Variants in DENND5B observed in about 807,000 individuals in gnomAD.
The protein encoded by DENND5B is DENN domain containing 5B.
A neutral mutation model predicts 140.6 loss-of-function variants in DENND5B; 34 were observed. The observed-to-expected ratio is 0.24, with a 90% CI of 0.18 to 0.32. The LOEUF (loss-of-function observed/expected upper bound fraction) is 0.32, where lower values mean the gene tolerates loss of function less well. Among genes scored for constraint, DENND5B ranks in the 10% least tolerant of loss-of-function variants. The pLI is 1.00. For missense variants in DENND5B, 1,142 were observed against 1,560.2 expected, an observed-to-expected ratio of 0.73 and a Z score of 4.52; for synonymous variants, 551 against 562.1, an observed-to-expected ratio of 0.98 and a Z score of 0.28.
At chr12:31,586,766 T>C (rs1950407375) in intron 1 of DENND5B, among the ~76,000 whole-genome samples, 1 of 152,214 alleles carries the variant, frequency 6.6e-6, no homozygotes, top group African/African-American at 2.4e-5. Flanking sequence ...GAATTTATGT[T>C]TAATAGAAGT....
At chr12:31,468,075 G>A (rs990809469) in intron 3 of DENND5B, among the ~76,000 whole-genome samples, 1 of 152,012 alleles carries the variant, frequency 6.6e-6, no homozygotes, top group African/African-American at 2.4e-5. Context: ...GCAACATACA[G>A]AGACCCCACC....
At chr12:31,559,067 A>C (rs781773519) in intron 1 of DENND5B, among the ~76,000 whole-genome samples, 5 of 152,244 alleles carry the variant, frequency 3.3e-5, no homozygotes, top group African/African-American at 1.2e-4. Context: ...CACTTGGAAC[A>C]TAAGTTCTAA....
intron 4 of DENND5B, among the ~76,000 whole-genome samples, chr12:31,457,683 A>C (rs948868507): frequency 1.3e-5 from 2 of 151,880 alleles, no homozygotes; most frequent in Non-Finnish European, 2.9e-5. Flanking sequence ...GTCCTAATTT[A>C]TAGTTTCTAC....
At chr12:31,523,115 G>A (rs973049350) in intron 1 of DENND5B, among the ~76,000 whole-genome samples, 1 of 150,150 alleles carries the variant, frequency 6.7e-6, no homozygotes, top group Non-Finnish European at 1.5e-5. Context: ...CTGGAGTGCA[G>A]TGGCGTGATC....
chr12:31,513,744 C>T (rs757080490), intron 1 of DENND5B, among the ~76,000 whole-genome samples: 2 of 152,004 alleles, frequency 1.3e-5, no homozygotes, highest in South Asian at 4.2e-4. Context: ...AGAAATCAGA[C>T]ATTTCTCCAA....
intron 1 of DENND5B, among the ~76,000 whole-genome samples, chr12:31,523,161 C>T (rs1359464679): frequency 6.6e-6 from 1 of 151,364 alleles, no homozygotes; most frequent in African/African-American, 2.4e-5. Context: ...CAGGTTCAAG[C>T]GATCATCCCA....
chr12:31,536,725 A>T (rs929896509), intron 1 of DENND5B, among the ~76,000 whole-genome samples: 2 of 152,184 alleles, frequency 1.3e-5, no homozygotes, highest in Admixed American at 6.5e-5. Context: ...ATCCAAATAT[A>T]AGAAGATTAC....
intron 12 of DENND5B, 84 bp downstream of exon 12, chr12:31,415,283 T>A (rs780918987): frequency 8.6e-5 from 92 of 1,065,500 alleles, no homozygotes; most frequent in South Asian, 5.6e-4. Flanking sequence ...AACACAGCCA[T>A]AATCATTTGA....
At chr12:31,548,942 C>G (rs1218266950) in intron 1 of DENND5B, among the ~76,000 whole-genome samples, 1 of 152,064 alleles carries the variant, frequency 6.6e-6, no homozygotes, top group African/African-American at 2.4e-5. Context: ...TCAACCCAGG[C>G]TGGGGTGCAG....
intron 1 of DENND5B, among the ~76,000 whole-genome samples, chr12:31,545,552 C>T (rs768799249): frequency 4.6e-4 from 70 of 152,082 alleles, no homozygotes; most frequent in Non-Finnish European, 8.7e-4. Context: ...CAAATTAAGG[C>T]ATACCCAGAA....
At chr12:31,557,385 C>G (rs1255479538) in intron 1 of DENND5B, among the ~76,000 whole-genome samples, 1 of 151,470 alleles carries the variant, frequency 6.6e-6, no homozygotes, top group Non-Finnish European at 1.5e-5. Flanking sequence ...TCATTTTTTT[C>G]TTTTTTCTTT....
intron 3 of DENND5B, among the ~76,000 whole-genome samples, chr12:31,477,321 C>T (rs1038623047): frequency 2.2e-4 from 34 of 152,258 alleles, no homozygotes; most frequent in African/African-American, 7.9e-4. Context: ...TCTCTAATCC[C>T]TACTCCATTC....
intron 7 of DENND5B, among the ~76,000 whole-genome samples, chr12:31,438,592 G>A (rs1288163168): frequency 6.6e-6 from 1 of 152,092 alleles, no homozygotes; most frequent in Non-Finnish European, 1.5e-5. Context: ...TGAAAATTAT[G>A]AACCACAAAA....
chr12:31,449,731 G>GTTTTTTTTTTTTTTTTTTTTTTTTTTTTT (rs771712867), intron 5 of DENND5B, among the ~76,000 whole-genome samples: 1 of 89,970 alleles, frequency 1.1e-5, no homozygotes, highest in African/African-American at 4.1e-5. Flanking sequence ...ACACAGATTA[G>GTTTTTTTTTTTTTTTTTTTTTTTTTTTTT]TTTTTTTTTT....
intron 1 of DENND5B, among the ~76,000 whole-genome samples, chr12:31,549,415 A>T (rs1034539148): frequency 6.6e-6 from 1 of 152,036 alleles, no homozygotes; most frequent in African/African-American, 2.4e-5. Context: ...AACAAATATT[A>T]TTATTTTAAT....
chr12:31,448,866 A>C (rs1944389772), intron 5 of DENND5B, among the ~76,000 whole-genome samples: 1 of 152,098 alleles, frequency 6.6e-6, no homozygotes, highest in Non-Finnish European at 1.5e-5. Flanking sequence ...AACAAACAAA[A>C]ACAAATCATT....
At chr12:31,559,913 T>C (rs1949416126) in intron 1 of DENND5B, among the ~76,000 whole-genome samples, 1 of 152,178 alleles carries the variant, frequency 6.6e-6, no homozygotes. Flanking sequence ...CTTCCTTCTT[T>C]ACTGTTCTAT....
intron 1 of DENND5B, among the ~76,000 whole-genome samples, chr12:31,567,355 G>A (rs1428860043): frequency 6.7e-6 from 1 of 150,192 alleles, no homozygotes; most frequent in Admixed American, 6.7e-5. Flanking sequence ...CAATTTACTT[G>A]TGTGTCCTAT....
In DENND5B at chr12:31,384,190, C is replaced by T; in HGVS notation, c.*3413G>A. The T allele has an allele frequency of 6.6e-6, 1 of 151,934 alleles. No individual in the cohort carries two copies. The highest frequency in any genetic ancestry group is 2.1e-4 in the South Asian group (1 of 4,822). The allele number at this position is 151,934 out of a possible 1,614,324, so 9.4% of individuals were successfully genotyped here. On this transcript the variant is annotated 3_prime_UTR_variant, in exon 21 of 21. Transcript: ENST00000389082. ...TTATGAGCCACATAAAAACTAAGTC[C>T]TTTGTTTTGTTTTTTTGAGATGGGG...
Sources: gnomAD v4.1 joint callset for allele counts (sites outside exome capture counted in the v4.1 genomes callset) on GRCh38, gnomAD v4.1.1 for gene constraint, MANE v1.5 for transcripts, NCBI Gene and HGNC (gene_info 2026-07-23, HGNC 2026-07-21) for gene names.